The following GPC5 variants were observed in gnomAD, a reference collection of about 807,000 sequenced individuals.
GPC5 encodes glypican 5.
Under a neutral mutation model 53.9 loss-of-function variants are expected in GPC5, and 47 were observed. The observed-to-expected ratio is 0.87, with a 90% confidence interval of 0.69 to 1.11. The LOEUF is 1.11. Ranked by LOEUF, GPC5 falls within the 50% of genes most tolerant of loss-of-function variation. The pLI is 0.00. For synonymous variants in GPC5, 286 were observed against 263.3 expected (o/e 1.09, Z -0.84); for missense variants, 748 against 713.1 (o/e 1.05, Z -0.56).
intron 2 of GPC5, among the ~76,000 whole-genome samples, chr13:91,451,619 T>TG (rs1881181594): frequency 1.2e-5 from 1 of 81,912 alleles, no homozygotes. Flanking sequence ...TCTGTTTGTT[T>TG]GTTTTTTTTT....
chr13:92,281,012 G>A (rs2042911162), intron 7 of GPC5, among the ~76,000 whole-genome samples: 1 of 152,174 alleles, frequency 6.6e-6, no homozygotes, highest in African/African-American at 2.4e-5. Flanking sequence ...GGGAGGCGGT[G>A]ACAGACAGCA....
chr13:92,424,295 T>A (rs1460109940), intron 7 of GPC5, among the ~76,000 whole-genome samples: 1 of 152,102 alleles, frequency 6.6e-6, no homozygotes, highest in African/African-American at 2.4e-5. Context: ...ATTTTAAAAT[T>A]GTTTTAATTA....
intron 7 of GPC5, among the ~76,000 whole-genome samples, chr13:92,228,775 T>TA (rs571474312): frequency 3.7e-4 from 56 of 151,858 alleles, no homozygotes; most frequent in Admixed American, 1.2e-3. Context: ...CACACAGAAC[T>TA]AAAAGAAAAG....
chr13:92,257,967 G>A (rs1418831680), intron 7 of GPC5, among the ~76,000 whole-genome samples: 1 of 151,848 alleles, frequency 6.6e-6, no homozygotes, highest in African/African-American at 2.4e-5. Flanking sequence ...TTATTTAAAA[G>A]GTATAATTTT....
At chr13:91,678,020 G>A (rs1276945160) in intron 2 of GPC5, among the ~76,000 whole-genome samples, 1 of 152,142 alleles carries the variant, frequency 6.6e-6, no homozygotes, top group Non-Finnish European at 1.5e-5. Context: ...TTAGTTATCA[G>A]AAAGAATTAC....
chr13:92,347,883 T>TATATATAATATATATAATATATA (rs2043433095), intron 7 of GPC5, among the ~76,000 whole-genome samples: 1 of 1,162 alleles, frequency 8.6e-4, no homozygotes, highest in Non-Finnish European at 1.6e-3. Flanking sequence ...TAATATATAT[T>TATATATAATATATATAATATATA]ATATATATTA....
intron 7 of GPC5, among the ~76,000 whole-genome samples, chr13:92,603,143 A>G (rs1473712610): frequency 2.6e-5 from 4 of 152,186 alleles, no homozygotes; most frequent in African/African-American, 9.7e-5. Flanking sequence ...AACTATCTTG[A>G]CATAATGGTA....
intron 7 of GPC5, among the ~76,000 whole-genome samples, chr13:92,811,162 TG>T (rs2138798600): frequency 6.6e-6 from 1 of 152,176 alleles, no homozygotes; most frequent in Admixed American, 6.5e-5. Context: ...TATTTTAGGC[TG>T]TTGTGAATAA....
At chr13:92,414,277 G>T (rs569455135) in intron 7 of GPC5, among the ~76,000 whole-genome samples, 2 of 152,074 alleles carry the variant, frequency 1.3e-5, no homozygotes, top group African/African-American at 4.8e-5. Flanking sequence ...GGCTGAGGTG[G>T]GCTGATCACC....
intron 7 of GPC5, among the ~76,000 whole-genome samples, chr13:92,706,657 GGAT>G (rs568094805): frequency 8.1e-4 from 123 of 152,136 alleles, no homozygotes; most frequent in African/African-American, 2.7e-3. Flanking sequence ...TCTACTTCCA[GGAT>G]GATATTAGCC....
At chr13:91,942,863 T>G (rs972755871) in intron 6 of GPC5, among the ~76,000 whole-genome samples, 1 of 152,208 alleles carries the variant, frequency 6.6e-6, no homozygotes, top group African/African-American at 2.4e-5. Flanking sequence ...CTACAATAAT[T>G]ATACATGAAA....
intron 7 of GPC5, among the ~76,000 whole-genome samples, chr13:92,670,116 C>A (rs576780154): frequency 6.6e-6 from 1 of 152,128 alleles, no homozygotes; most frequent in Non-Finnish European, 1.5e-5. Flanking sequence ...TGAATTTCAG[C>A]TTTATAAAGA....
At chr13:92,348,181 T>C (rs1033988440) in intron 7 of GPC5, among the ~76,000 whole-genome samples, 2 of 150,664 alleles carry the variant, frequency 1.3e-5, no homozygotes, top group African/African-American at 2.4e-5. Flanking sequence ...AGAAAGTAAC[T>C]GAAAGGATAA....
intron 5 of GPC5, among the ~76,000 whole-genome samples, chr13:91,769,920 C>G (rs1214387944): frequency 6.6e-6 from 1 of 152,134 alleles, no homozygotes; most frequent in Admixed American, 6.5e-5. Context: ...CCACACTAAC[C>G]TGAGTTACCA....
chr13:92,622,394 A>G (rs1288358371), intron 7 of GPC5, among the ~76,000 whole-genome samples: 1 of 151,962 alleles, frequency 6.6e-6, no homozygotes, highest in Non-Finnish European at 1.5e-5. Context: ...TTTTCCCTCA[A>G]CCTTTCTACA....
intron 7 of GPC5, among the ~76,000 whole-genome samples, chr13:92,322,828 G>T (rs1431327252): frequency 6.6e-6 from 1 of 151,926 alleles, no homozygotes; most frequent in Non-Finnish European, 1.5e-5. Flanking sequence ...TATTTAATTT[G>T]CCATCACAAG....
chr13:92,744,080 C>T (rs548739390), intron 7 of GPC5, among the ~76,000 whole-genome samples: 1 of 151,942 alleles, frequency 6.6e-6, no homozygotes, highest in Non-Finnish European at 1.5e-5. Flanking sequence ...ACCAAAAACC[C>T]AGGAAAGAGA....
chr13:92,406,489 A>T (rs1331858294), intron 7 of GPC5, among the ~76,000 whole-genome samples: 1 of 152,160 alleles, frequency 6.6e-6, no homozygotes, highest in African/African-American at 2.4e-5. Flanking sequence ...AACTGGGAAA[A>T]AGACACCGAG....
At chr13:91,555,818 C>G (rs1436135645) in intron 2 of GPC5, among the ~76,000 whole-genome samples, 1 of 151,986 alleles carries the variant, frequency 6.6e-6, no homozygotes, top group Non-Finnish European at 1.5e-5. Context: ...AAGGGGTCTC[C>G]CCTTATAAAA....
Sources: allele counts gnomAD v4.1 joint callset (sites outside exome capture counted in the v4.1 genomes callset), GRCh38; gene constraint gnomAD v4.1.1; transcripts MANE v1.5; gene names NCBI Gene and HGNC (gene_info 2026-07-23, HGNC 2026-07-21).